The following CLTCL1 variants were observed in gnomAD, a reference collection of about 807,000 sequenced individuals.
CLTCL1 encodes clathrin heavy chain 2.
In CLTCL1, 159 loss-of-function variants were observed where a neutral mutation model predicts 190.0. The ratio of observed to expected loss-of-function variants is 0.84; its 90% CI spans 0.74 to 0.95. CLTCL1 has a LOEUF of 0.95. Among genes scored for constraint, CLTCL1 ranks in the 40% least tolerant of loss-of-function variants. CLTCL1 has a pLI of 0.00. For missense variants in CLTCL1, 1,878 were observed against 2,033.4 expected, an observed-to-expected ratio of 0.92 and a Z score of 1.47; for synonymous variants, 752 against 769.6, an observed-to-expected ratio of 0.98 and a Z score of 0.38.
intron 18 of CLTCL1, among the ~76,000 whole-genome samples, chr22:19,218,782 A>C (rs1037520231): frequency 6.6e-6 from 1 of 152,212 alleles, no homozygotes; most frequent in African/African-American, 2.4e-5. Flanking sequence ...GGCTGTGGGA[A>C]GCCCTCCCAG....
Position 19,258,710 on chromosome 22 carries a change from C to T in CLTCL1, c.251-4483G>A, listed in dbSNP as rs2086847304. On this transcript the variant is annotated intron_variant, in intron 2 of 32. Transcript: ENST00000427926. The stretch of plus-strand genomic sequence containing the variant: ...ATCTTGGTGAGGCCCTAGACAGCAG[C>T]AACTCCATGCAAACCATCCAAAAGA... 4 of 684,820 alleles carry T rather than the reference C, an allele frequency of 5.8e-6. No individual in the cohort carries two copies. In the Admixed American group the frequency reaches 7.4e-5, roughly 13 times the overall value. The allele number at this position is 684,820 out of a possible 1,614,324, so 42.4% of individuals were successfully genotyped here. A position where few individuals can be genotyped will look rare whatever the true frequency, so the allele number is the denominator to read the frequency against.
rs112055365 is a variant in CLTCL1, at chr22:19,212,740, A to T, written c.3066-2231T>A. 3.5e-3 allele frequency among the ~76,000 whole-genome samples: 526 copies of T among 152,338 alleles called. 5 individuals carry two copies. Among genetic ancestry groups the T allele is most frequent in the African/African-American group, 0.012 (492 of 41,592 alleles). ...TGATTTTTGACAGAGATGCAAGAGC[A>T]ATTCCATGGAGAAAGAGTATTTTTA... On this transcript the variant is annotated intron_variant, in intron 19 of 32. Transcript: ENST00000427926.
chr22:19,275,774 T>G lies in CLTCL1; in HGVS notation c.99A>C (p.Glu33Asp). 6.2e-7 allele frequency: 1 copy of G among 1,610,062 alleles called. No homozygotes were observed. Among genetic ancestry groups the G allele is most frequent in the Non-Finnish European group, 8.5e-7 (1 of 1,178,174 alleles). The change falls in exon 2 of 33, where the codon GAA (glutamate) becomes GAC (aspartate). Residue 33 changes from glutamate (E) to aspartate (D), a missense_variant. By Grantham distance (45) the Glu-to-Asp change is conservative. Transcript: ENST00000427926. ...ANIGFSTLTM[E>D]SDKFICIREK... ...CTCGGATACATATGAACTTGTCAGA[T>G]TCCATGGTCAGTGTGCTGAATCCAA...
In CLTCL1 at chr22:19,221,942, A is replaced by G; in HGVS notation, c.2561+9T>C. On this transcript the variant is annotated intron_variant, in intron 16 of 32. Coordinates refer to ENST00000427926, the MANE Select transcript of CLTCL1 (RefSeq NM_007098.4). ...GGGTAAGAGAAAACACCAAGTAAGG[A>G]CACCTTACCTATTTCTTTTTTCTAC... is the stretch of plus-strand genomic sequence containing the variant. 6.2e-7 allele frequency: 1 copy of G among 1,613,392 alleles called. No homozygotes were observed. Among genetic ancestry groups the G allele is most frequent in the African/African-American group, 1.3e-5 (1 of 75,004 alleles).
At chr22:19,204,652 A>G (rs192494869) in intron 22 of CLTCL1, among the ~76,000 whole-genome samples, 32 of 152,356 alleles carry the variant, frequency 2.1e-4, no homozygotes, top group Non-Finnish European at 3.7e-4. Flanking sequence ...GCATAAATGA[A>G]GTATTCTATC....
intron 13 of CLTCL1, 92 bp from the exon 14 acceptor site, chr22:19,224,146 A>G: frequency 1.5e-6 from 2 of 1,301,562 alleles, no homozygotes; most frequent in Non-Finnish European, 2.2e-6. Context: ...ACCCTGCTCC[A>G]CTCTCCAGGG....
chr22:19,234,848 G>C, intron 6 of CLTCL1, 142 bp from the exon 7 acceptor site: 1 of 761,154 alleles, frequency 1.3e-6, no homozygotes, highest in South Asian at 1.8e-5. Context: ...CCCTCACAGT[G>C]AAAGGAGGCA....
chr22:19,272,604 G>A (rs1483189900), intron 2 of CLTCL1, among the ~76,000 whole-genome samples: 3 of 152,118 alleles, frequency 2.0e-5, no homozygotes, highest in African/African-American at 7.2e-5. Flanking sequence ...CCGAGTAACT[G>A]AGATTACAGG....
At chr22:19,262,995 C>A (rs930199634) in intron 2 of CLTCL1, among the ~76,000 whole-genome samples, 3 of 148,890 alleles carry the variant, frequency 2.0e-5, no homozygotes, top group Non-Finnish European at 4.4e-5. Flanking sequence ...AACGCCACTG[C>A]ACTCCAGCCT....
At position 19,232,467 on chromosome 22, in the gene CLTCL1, T is replaced by C; in HGVS notation, c.1644+9A>G. The C allele has an allele frequency of 6.2e-7, 1 of 1,613,918 alleles. No homozygotes were observed. The highest frequency in any genetic ancestry group is 1.3e-5 in the African/African-American group (1 of 75,054). ...CCACAAAAAGTTGTCCAAAACTGCC[T>C]ACGCTCACCTGGCTAATGTTGGCCA... is the stretch of plus-strand genomic sequence containing the variant. On this transcript the variant is annotated intron_variant, in intron 10 of 32. Transcript: ENST00000427926.
Position 19,254,098 on chromosome 22 carries a change from A to T in CLTCL1, c.380T>A (p.Val127Asp). The change falls in exon 3 of 33, where the codon GTC (valine) becomes GAC (aspartate). Residue 127 changes from valine (V) to aspartate (D), a missense_variant. Transcript: ENST00000427926. ...NTVALVTETA[V>D]YHWSMEGDSQ... ...GTCACCTTCCATGCTCCAGTGGTAG[A>T]CCGCGGTCTCGGTCACCAAGGCAAC... is the stretch of plus-strand genomic sequence containing the variant. The T allele has an allele frequency of 6.2e-7, 1 of 1,612,960 alleles. No homozygotes were observed. The highest frequency in any genetic ancestry group is 1.1e-5 in the South Asian group (1 of 90,936).
At chr22:19,191,183 G>T in intron 27 of CLTCL1, 121 bp downstream of exon 27, 1 of 1,155,366 alleles carries the variant, frequency 8.7e-7, no homozygotes. Context: ...TTGATACACT[G>T]GTGAATCTTC....
intron 2 of CLTCL1, among the ~76,000 whole-genome samples, chr22:19,261,515 T>C (rs1438078415): frequency 6.6e-6 from 1 of 152,172 alleles, no homozygotes; most frequent in Non-Finnish European, 1.5e-5. Flanking sequence ...CCATTCTAGA[T>C]GCAACTAAGA....
intron 2 of CLTCL1, among the ~76,000 whole-genome samples, chr22:19,254,853 A>G (rs1288763267): frequency 6.6e-6 from 1 of 152,226 alleles, no homozygotes; most frequent in Non-Finnish European, 1.5e-5. Context: ...AAACAGCCCC[A>G]TGTAGCTAAT....
At position 19,291,667 on chromosome 22, in the gene CLTCL1, C is replaced by A; in HGVS notation, c.-26G>T. The stretch of plus-strand genomic sequence containing the variant: ...GGCTGGTGCGGGACCTCGGCGGCGG[C>A]GGCGGCAGCGGCAGGAATGAACGCC... On this transcript the variant is annotated 5_prime_UTR_variant, in exon 1 of 33. Coordinates refer to ENST00000427926, the MANE Select transcript of CLTCL1 (RefSeq NM_007098.4). 1.5e-6 allele frequency: 2 copies of A among 1,359,636 alleles called. No homozygotes were observed. Among genetic ancestry groups the A allele is most frequent in the South Asian group, 1.8e-5 (1 of 56,952 alleles). 84.2% of individuals were successfully genotyped at this position (1,359,636 alleles called of 1,614,324 possible).
chr22:19,254,307 T>C (rs2086685724), intron 2 of CLTCL1, 80 bp from the exon 3 acceptor site: 2 of 1,217,106 alleles, frequency 1.6e-6, no homozygotes, highest in Admixed American at 2.2e-5. Flanking sequence ...TAATTCTGAA[T>C]TCTTTTAATA....
chr22:19,196,336 G>A lies in CLTCL1; in HGVS notation c.4121C>T (p.Ala1374Val). The A allele has an allele frequency of 1.2e-6, 2 of 1,614,002 alleles. No individual in the cohort carries two copies. The highest frequency in any genetic ancestry group is 2.2e-5 in the South Asian group (2 of 91,090). The change falls in exon 26 of 33, where the codon GCT (alanine) becomes GTT (valine). Residue 1374 changes from alanine (A) to valine (V), a missense_variant. Physicochemically the swap from Ala to Val is moderately conservative, Grantham distance 64. Coordinates refer to ENST00000427926, the MANE Select transcript of CLTCL1 (RefSeq NM_007098.4). ...GGGGTGGCTCATCATGGTGAGCACA[G>A]CATTGTCATACTCCTCGTACTTGTC... ...LYDKYEEYDN[A>V]VLTMMSHPTE... is the part of the protein sequence containing the mutation.
At chr22:19,259,800 G>A (rs1320695912) in intron 2 of CLTCL1, among the ~76,000 whole-genome samples, 1 of 152,166 alleles carries the variant, frequency 6.6e-6, no homozygotes, top group African/African-American at 2.4e-5. Flanking sequence ...GTGAAAGGAA[G>A]AGTCCTACGT....
chr22:19,270,307 C>T (rs2087266706), intron 2 of CLTCL1, among the ~76,000 whole-genome samples: 1 of 151,928 alleles, frequency 6.6e-6, no homozygotes, highest in Admixed American at 6.6e-5. Context: ...CTGCCTCGGG[C>T]CGGGAGTAGG....
Sources: allele counts gnomAD v4.1 joint callset (sites outside exome capture counted in the v4.1 genomes callset), GRCh38; gene constraint gnomAD v4.1.1; transcripts MANE v1.5; gene names NCBI Gene and HGNC (gene_info 2026-07-23, HGNC 2026-07-21).